The following KLHL8 variants were observed in gnomAD, a reference collection of about 807,000 sequenced individuals.
KLHL8 encodes kelch like family member 8, also known as kelch-like protein 8.
A neutral mutation model predicts 63.5 loss-of-function variants in KLHL8; 38 were observed. The observed-to-expected ratio is 0.60, with a 90% CI of 0.46 to 0.78. The LOEUF (loss-of-function observed/expected upper bound fraction) is 0.78, where lower values mean the gene tolerates loss of function less well. KLHL8 is among the 30% of genes least tolerant of loss of function. The probability of loss-of-function intolerance (pLI) is 0.00; values close to 1 mark genes in which losing one functional copy is unlikely to be tolerated. For missense variants in KLHL8, 566 were observed against 752.4 expected, an observed-to-expected ratio of 0.75 and a Z score of 2.90; for synonymous variants, 224 against 254.3, an observed-to-expected ratio of 0.88 and a Z score of 1.13.
At chr4:87,237,203 G>A (rs1733247334) in intron 1 of KLHL8, among the ~76,000 whole-genome samples, 1 of 152,062 alleles carries the variant, frequency 6.6e-6, no homozygotes, top group Admixed American at 6.5e-5. Flanking sequence ...TGTCTGCTGG[G>A]GAAGACACTA....
intron 1 of KLHL8, among the ~76,000 whole-genome samples, chr4:87,210,721 T>C (rs1242062775): frequency 6.6e-6 from 1 of 152,150 alleles, no homozygotes; most frequent in Non-Finnish European, 1.5e-5. Context: ...ATTTTCCACA[T>C]ACTTTAGGCT....
intron 1 of KLHL8, among the ~76,000 whole-genome samples, chr4:87,203,869 C>T (rs1257495560): frequency 6.6e-6 from 1 of 151,906 alleles, no homozygotes; most frequent in African/African-American, 2.4e-5. Flanking sequence ...AGCTTCAAAT[C>T]AGGAGAAAAA....
At chr4:87,235,877 G>A (rs1578413912) in intron 1 of KLHL8, among the ~76,000 whole-genome samples, 1 of 152,108 alleles carries the variant, frequency 6.6e-6, no homozygotes, top group Non-Finnish European at 1.5e-5. Context: ...GAGAGGTTGC[G>A]GGCCGCGGGG....
At chr4:87,170,020 GTTA>G (rs1730575091) in intron 8 of KLHL8, 56 bp downstream of exon 8, 1 of 1,353,256 alleles carries the variant, frequency 7.4e-7, no homozygotes, top group South Asian at 1.3e-5. Context: ...TTGTTACTCT[GTTA>G]TATGACACTT....
At chr4:87,187,786 GTATT>G (rs1731326757) in intron 2 of KLHL8, among the ~76,000 whole-genome samples, 1 of 152,004 alleles carries the variant, frequency 6.6e-6, no homozygotes, top group Admixed American at 6.6e-5. Flanking sequence ...TTTTAATACA[GTATT>G]TATCCCATTT....
rs551374799 is a variant in KLHL8, at chr4:87,229,329, A to C, written n.58-7939T>G. On this transcript the variant is annotated intron_variant and non_coding_transcript_variant, in intron 1 of 1. Coordinates refer to the KLHL8 transcript ENST00000506274. Reference sequence around the variant, plus strand: ...GATGACATGTGATCACCTCTGCAGCATGGACATTGACCAGCAGCCATTTAC... The same window carrying C: ...GATGACATGTGATCACCTCTGCAGCCTGGACATTGACCAGCAGCCATTTAC... 5.3e-5 allele frequency among the ~76,000 whole-genome samples: 8 copies of C among 152,232 alleles called. No individual in the cohort carries two copies. The East Asian group carries it at 1.5e-3, about 29-fold the overall frequency.
At chr4:87,192,771 G>A (rs1044219932) in intron 2 of KLHL8, among the ~76,000 whole-genome samples, 1 of 152,288 alleles carries the variant, frequency 6.6e-6, no homozygotes, top group African/African-American at 2.4e-5. Flanking sequence ...GGTACAGCCT[G>A]TTGCTCTCAG....
chr4:87,200,836 C>T (rs778126946), intron 1 of KLHL8, among the ~76,000 whole-genome samples: 3 of 152,160 alleles, frequency 2.0e-5, no homozygotes, highest in Non-Finnish European at 2.9e-5. Context: ...CATATTTGCA[C>T]ACCCATGTTC....
chr4:87,203,535 G>GAA (rs565987676), intron 1 of KLHL8, among the ~76,000 whole-genome samples: 16 of 75,744 alleles, frequency 2.1e-4, no homozygotes, highest in African/African-American at 6.6e-4. Flanking sequence ...TCTCACAAAA[G>GAA]AAAAAAAAAA....
rs1382078703 is a variant in KLHL8, at chr4:87,207,748, T to C, written c.-151-12058A>G. On this transcript the variant is annotated intron_variant, in intron 1 of 9. Coordinates refer to ENST00000273963, the MANE Select transcript of KLHL8 (RefSeq NM_020803.5). ...TGCCAAGGCTGTGGGAAAGGCCCTCTCTGAGCTGAATGGGAAGCTCACTGG... is the reference window on the plus strand; with the variant it reads ...TGCCAAGGCTGTGGGAAAGGCCCTCCCTGAGCTGAATGGGAAGCTCACTGG... 9 of 860,928 alleles carry C rather than the reference T, an allele frequency of 1.0e-5. No homozygotes were observed. In the East Asian group the frequency reaches 2.2e-4, roughly 21 times the overall value. 53.3% of individuals were successfully genotyped at this position (860,928 alleles called of 1,614,324 possible).
intron 2 of KLHL8, among the ~76,000 whole-genome samples, chr4:87,186,797 A>G (rs1398411150): frequency 6.6e-6 from 1 of 152,108 alleles, no homozygotes; most frequent in Non-Finnish European, 1.5e-5. Context: ...TGCTTTTCAT[A>G]TACTAACTCA....
At chr4:87,207,539 GCAC>G in intron 1 of KLHL8, 1 of 1,038,800 alleles carries the variant, frequency 9.6e-7, no homozygotes, top group Admixed American at 1.7e-5. Flanking sequence ...AATGCCTTCT[GCAC>G]CACCAACTGC....
At chr4:87,185,229 G>C in intron 3 of KLHL8, 22 bp downstream of exon 3, 1 of 1,577,648 alleles carries the variant, frequency 6.3e-7, no homozygotes, top group African/African-American at 1.4e-5. Context: ...ATTTCTGTGT[G>C]AAATCTTATT....
intron 8 of KLHL8, among the ~76,000 whole-genome samples, chr4:87,168,722 G>GTATATATATATGTATATATATACGTA (rs199567465): frequency 2.8e-5 from 4 of 143,052 alleles, no homozygotes; most frequent in Non-Finnish European, 4.5e-5. Flanking sequence ...ATATATATAC[G>GTATATATATATGTATATATATACGTA]TATATATATG....
At chr4:87,219,271 T>A (rs887713242) in intron 1 of KLHL8, among the ~76,000 whole-genome samples, 2 of 152,212 alleles carry the variant, frequency 1.3e-5, no homozygotes, top group African/African-American at 4.8e-5. Flanking sequence ...GTCCTCTGCG[T>A]ACCCAAGAGT....
At chr4:87,227,110 A>G (rs1439537624) in intron 1 of KLHL8, among the ~76,000 whole-genome samples, 1 of 147,658 alleles carries the variant, frequency 6.8e-6, no homozygotes, top group Non-Finnish European at 1.5e-5. Flanking sequence ...AATAAATGCA[A>G]CATGGCAGAC....
At chr4:87,198,148 G>A (rs373484079) in intron 1 of KLHL8, among the ~76,000 whole-genome samples, 49 of 151,828 alleles carry the variant, frequency 3.2e-4, no homozygotes, top group Admixed American at 1.0e-3. Context: ...GCAAAACCCC[G>A]TCTCTACTAA....
upstream of KLHL8, among the ~76,000 whole-genome samples, chr4:87,224,506 G>C (rs1732939434): frequency 6.6e-6 from 1 of 152,158 alleles, no homozygotes; most frequent in South Asian, 2.1e-4. Context: ...CAGAGAGCAG[G>C]TCCCAGAAGA....
intron 1 of KLHL8, among the ~76,000 whole-genome samples, chr4:87,206,077 T>C (rs1486572885): frequency 6.6e-6 from 1 of 152,210 alleles, no homozygotes; most frequent in East Asian, 1.9e-4. Context: ...ACATGAGCCA[T>C]ATTTGACTCC....
Sources: gnomAD v4.1 joint callset for allele counts (sites outside exome capture counted in the v4.1 genomes callset) on GRCh38, gnomAD v4.1.1 for gene constraint, MANE v1.5 for transcripts, NCBI Gene and HGNC (gene_info 2026-07-23, HGNC 2026-07-21) for gene names.